The following POLK variants were observed in gnomAD, a reference collection of about 807,000 sequenced individuals.
POLK encodes the protein polymerase (DNA directed) kappa.
A neutral mutation model predicts 94.0 loss-of-function variants in POLK; 76 were observed. The ratio of observed to expected loss-of-function variants is 0.81; its 90% CI spans 0.67 to 0.98. The LOEUF (loss-of-function observed/expected upper bound fraction) is 0.98, where lower values mean the gene tolerates loss of function less well. Among genes scored for constraint, POLK ranks in the 50% least tolerant of loss-of-function variants. POLK has a pLI of 0.00. For missense variants in POLK, 954 were observed against 1,010.1 expected (o/e 0.94, Z 0.75); for synonymous variants, 349 against 325.4 (o/e 1.07, Z -0.78).
intron 1 of POLK, among the ~76,000 whole-genome samples, chr5:75,528,202 G>T (rs957840292): frequency 6.6e-6 from 1 of 151,832 alleles, no homozygotes; most frequent in Non-Finnish European, 1.5e-5. Flanking sequence ...CTCCATGTAA[G>T]TAAAAAAATA....
At chr5:75,543,822 T>TTTTG (rs1306593008) in intron 1 of POLK, among the ~76,000 whole-genome samples, 9 of 152,018 alleles carry the variant, frequency 5.9e-5, no homozygotes, top group South Asian at 2.1e-4. Flanking sequence ...TCTTAGAGTT[T>TTTTG]TTTGTTTGTT....
At chr5:75,571,310 C>A (rs1771584460) in intron 4 of POLK, among the ~76,000 whole-genome samples, 1 of 152,026 alleles carries the variant, frequency 6.6e-6, no homozygotes, top group South Asian at 2.1e-4. Context: ...TGATAAAATT[C>A]TTTTTTGGCG....
At chr5:75,538,367 C>A (rs1203564741) in intron 1 of POLK, among the ~76,000 whole-genome samples, 1 of 152,150 alleles carries the variant, frequency 6.6e-6, no homozygotes, top group Non-Finnish European at 1.5e-5. Context: ...AAAAATTAAG[C>A]TAACTTAAAC....
chr5:75,512,719 A>G (rs1353042545), intron 1 of POLK: 1 of 152,264 alleles, frequency 6.6e-6, no homozygotes, highest in African/African-American at 2.4e-5. Context: ...CTCGTTAGCT[A>G]TTTTAATATA....
At chr5:75,603,828 A>G (rs889679188), downstream of POLK, among the ~76,000 whole-genome samples, 1 of 152,120 alleles carries the variant, frequency 6.6e-6, no homozygotes, top group African/African-American at 2.4e-5. Context: ...CTCAAGGGCC[A>G]CCTTCAGAAA....
chr5:75,598,861 A>G (rs963152702), exon 15 of POLK: 1 of 152,184 alleles, frequency 6.6e-6, no homozygotes, highest in East Asian at 1.9e-4. Context: ...ACTTTTATTA[A>G]TATTTGTGAA....
intron 10 of POLK, among the ~76,000 whole-genome samples, chr5:75,588,786 C>T (rs1340121292): frequency 6.6e-6 from 1 of 152,178 alleles, no homozygotes; most frequent in Non-Finnish European, 1.5e-5. Flanking sequence ...ATCTTTGGCT[C>T]ATAGCCTCAG....
chr5:75,590,305 A>G, intron 10 of POLK, 39 bp from the exon 11 acceptor site: 3 of 1,118,752 alleles, frequency 2.7e-6, no homozygotes, highest in Middle Eastern at 2.0e-4. Flanking sequence ...CCTGGATTAT[A>G]GTTTACTTTG....
At chr5:75,517,134 T>C (rs775500977) in intron 1 of POLK, among the ~76,000 whole-genome samples, 9 of 152,202 alleles carry the variant, frequency 5.9e-5, no homozygotes, top group Non-Finnish European at 1.2e-4. Context: ...CAGAGTCTTT[T>C]TGTGGTTCTA....
chr5:75,525,825 C>T (rs1283233593), intron 1 of POLK, among the ~76,000 whole-genome samples: 1 of 152,130 alleles, frequency 6.6e-6, no homozygotes, highest in East Asian at 1.9e-4. Flanking sequence ...ATAAAACTGG[C>T]ATCTTAGGTG....
chr5:75,596,846 C>CT lies in POLK; in HGVS notation c.2156dup (p.Leu719PhefsTer3). On this transcript the variant is annotated frameshift_variant, in exon 13 of 15. Transcript: ENST00000241436. LOFTEE classifies it high-confidence loss of function. ...TCATCTAAAGCAGAAAGCATAGATG[C>CT]TTTAAGTAATAAGCATAGCAAGGAA... The CT allele has an allele frequency of 6.2e-7, 1 of 1,613,204 alleles. No individual in the cohort carries two copies. Among genetic ancestry groups the CT allele is most frequent in the Non-Finnish European group, 8.5e-7 (1 of 1,179,484 alleles).
At chr5:75,527,069 TG>T (rs1371086498) in intron 1 of POLK, among the ~76,000 whole-genome samples, 1 of 152,170 alleles carries the variant, frequency 6.6e-6, no homozygotes, top group Non-Finnish European at 1.5e-5. Context: ...TTGATATGAA[TG>T]GTAGTGAAAG....
chr5:75,586,223 C>T (rs1772463184), intron 9 of POLK, among the ~76,000 whole-genome samples: 1 of 152,076 alleles, frequency 6.6e-6, no homozygotes, highest in South Asian at 2.1e-4. Context: ...ACCTGCCTTT[C>T]CCTCTGTCCA....
At chr5:75,586,999 A>G (rs1561402363) in intron 9 of POLK, 27 bp from the exon 10 acceptor site, 1 of 1,526,514 alleles carries the variant, frequency 6.6e-7, no homozygotes, top group African/African-American at 1.4e-5. Context: ...TCTTTGAAAA[A>G]TAAAGACCTT....
intron 1 of POLK, among the ~76,000 whole-genome samples, chr5:75,536,280 C>A (rs1769442279): frequency 6.6e-6 from 1 of 152,174 alleles, no homozygotes; most frequent in African/African-American, 2.4e-5. Context: ...GTCCACAGGG[C>A]TTCCTCAGTC....
At position 75,597,108 on chromosome 5, in the gene POLK, T is replaced by A. The variant is rs768660964; in HGVS notation, c.2415T>A (p.Ser805Arg). Residue 805 changes from serine to arginine, a missense_variant, in exon 13 of 15, where the codon AGT becomes AGA. Physicochemically the swap from Ser to Arg is moderately radical, Grantham distance 110. Coordinates refer to ENST00000241436, the Ensembl canonical transcript of POLK. ...ATGTGGATGTTTGCTTAAATAAAAG[T>A]TTTATCCAAGAATTAAGAAAGGATA... 5.0e-6 allele frequency: 8 copies of A among 1,612,876 alleles called. 1 individual carries two copies. The South Asian group carries it at 8.8e-5, about 18-fold the overall frequency.
chr5:75,538,978 G>T (rs1769597280), intron 1 of POLK, among the ~76,000 whole-genome samples: 1 of 151,924 alleles, frequency 6.6e-6, no homozygotes, highest in Non-Finnish European at 1.5e-5. Flanking sequence ...CATCATGTTG[G>T]CCAGGCTGGT....
At chr5:75,511,958 T>A in intron 1 of POLK, 44 bp downstream of exon 1, 1 of 754,854 alleles carries the variant, frequency 1.3e-6, no homozygotes. Context: ...TGGGGCCTTG[T>A]CAGTCGGTGG....
intron 6 of POLK, among the ~76,000 whole-genome samples, chr5:75,579,068 T>C (rs574514292): frequency 2.0e-5 from 3 of 152,292 alleles, no homozygotes; most frequent in East Asian, 3.9e-4. Context: ...GTAGTTCAGA[T>C]TGAAAAGGTA....
Sources: allele counts gnomAD v4.1 joint callset (sites outside exome capture counted in the v4.1 genomes callset), GRCh38; gene constraint gnomAD v4.1.1; transcripts MANE v1.5; gene names NCBI Gene and HGNC (gene_info 2026-07-23, HGNC 2026-07-21).